The following MARCHF1 variants were observed in gnomAD, a reference collection of about 807,000 sequenced individuals.
The protein encoded by MARCHF1 is E3 ubiquitin-protein ligase MARCHF1.
Under a neutral mutation model 54.2 loss-of-function variants are expected in MARCHF1, and 40 were observed. The ratio of observed to expected loss-of-function variants is 0.74; its 90% CI spans 0.57 to 0.96. The LOEUF (loss-of-function observed/expected upper bound fraction) is 0.96. Among genes scored for constraint, MARCHF1 ranks in the 40% least tolerant of loss-of-function variants. The pLI, the probability that MARCHF1 is intolerant of heterozygous loss-of-function variation, is 0.00. For synonymous variants in MARCHF1, 236 were observed against 236.3 expected (o/e 1.00, Z 0.01); for missense variants, 586 against 656.5 (o/e 0.89, Z 1.17).
At chr4:164,256,377 T>C (rs1342451461) in intron 1 of MARCHF1, among the ~76,000 whole-genome samples, 1 of 149,110 alleles carries the variant, frequency 6.7e-6, no homozygotes, top group Non-Finnish European at 1.5e-5. Flanking sequence ...CTAAATGTAT[T>C]TGGGTGAAAA....
intron 2 of MARCHF1, among the ~76,000 whole-genome samples, chr4:164,052,467 G>A (rs185495536): frequency 6.6e-6 from 1 of 152,088 alleles, no homozygotes; most frequent in Non-Finnish European, 1.5e-5. Flanking sequence ...GGGAGGTGGA[G>A]GTTGCAGTGA....
chr4:163,580,842 T>C lies in MARCHF1; in HGVS notation c.1191+4907A>G, dbSNP rs1280267385. 7.2e-5 allele frequency among the ~76,000 whole-genome samples: 3 copies of C among 41,454 alleles called. 1 individual carries two copies. The highest frequency in any genetic ancestry group is 2.0e-4 in the African/African-American group (2 of 10,250). 27.2% of individuals were successfully genotyped at this position (41,454 alleles called of 152,430 possible). On this transcript the variant is annotated intron_variant, in intron 8 of 9. Transcript: ENST00000514618. ...ACGGAGTCTCGCTCTGTCGCCCAGG[T>C]CGGACTGCGGACTGCAGTGGCGCAA...
chr4:163,953,200 T>C (rs571013701), intron 3 of MARCHF1, among the ~76,000 whole-genome samples: 2 of 152,164 alleles, frequency 1.3e-5, no homozygotes, highest in Admixed American at 6.5e-5. Flanking sequence ...CACCTTCCTA[T>C]AAAAATAAAT....
chr4:164,379,982 A>G (rs2110985710), intron 1 of MARCHF1, among the ~76,000 whole-genome samples: 1 of 152,094 alleles, frequency 6.6e-6, no homozygotes, highest in African/African-American at 2.4e-5. Flanking sequence ...CATGTTGAAA[A>G]AAAAAAAACT....
chr4:164,214,473 A>C (rs950428724), intron 1 of MARCHF1, among the ~76,000 whole-genome samples: 8 of 152,056 alleles, frequency 5.3e-5, no homozygotes, highest in Admixed American at 2.0e-4. Flanking sequence ...CTAAAAAAAA[A>C]CCCTCCACTT....
intron 2 of MARCHF1, among the ~76,000 whole-genome samples, chr4:164,020,511 G>C (rs1753638174): frequency 6.6e-6 from 1 of 152,130 alleles, no homozygotes; most frequent in African/African-American, 2.4e-5. Flanking sequence ...TGCTTACTTT[G>C]AAAAAATTGT....
intron 1 of MARCHF1, among the ~76,000 whole-genome samples, chr4:164,320,068 T>A (rs1453416766): frequency 6.6e-6 from 1 of 152,158 alleles, no homozygotes; most frequent in Admixed American, 6.5e-5. Context: ...TTTTCACACA[T>A]CCATGAGTCT....
At chr4:164,175,891 C>T (rs1730650273) in intron 1 of MARCHF1, among the ~76,000 whole-genome samples, 1 of 152,168 alleles carries the variant, frequency 6.6e-6, no homozygotes, top group African/African-American at 2.4e-5. Context: ...TTCCGTTTCT[C>T]TGGAGAACCC....
intron 1 of MARCHF1, among the ~76,000 whole-genome samples, chr4:164,324,487 C>T (rs573771153): frequency 2.6e-5 from 4 of 151,460 alleles, no homozygotes; most frequent in African/African-American, 7.2e-5. Flanking sequence ...TTTGATGAAC[C>T]TATTATACAA....
At chr4:163,921,907 G>A (rs948510314) in intron 3 of MARCHF1, among the ~76,000 whole-genome samples, 3 of 152,030 alleles carry the variant, frequency 2.0e-5, no homozygotes, top group Admixed American at 2.0e-4. Context: ...CTGCTATAAA[G>A]ACACATGCAC....
intron 3 of MARCHF1, among the ~76,000 whole-genome samples, chr4:163,942,657 G>T (rs559951139): frequency 6.6e-6 from 1 of 152,172 alleles, no homozygotes; most frequent in African/African-American, 2.4e-5. Flanking sequence ...AGAACTGAAG[G>T]GATATGCATC....
intron 1 of MARCHF1, among the ~76,000 whole-genome samples, chr4:164,115,832 A>T (rs1755927758): frequency 6.6e-6 from 1 of 152,090 alleles, no homozygotes; most frequent in Non-Finnish European, 1.5e-5. Context: ...AAAATCTAGA[A>T]AGAAAATAAT....
intron 1 of MARCHF1, among the ~76,000 whole-genome samples, chr4:164,274,659 CTTTTTTTTTTTTT>C (rs70952617): frequency 1.6e-4 from 7 of 44,658 alleles, no homozygotes; most frequent in South Asian, 7.5e-4. Context: ...TCAGGGTACA[CTTTTTTTTTTTTT>C]TTTTTTTTTT....
chr4:163,943,514 G>C (rs1263724430), intron 3 of MARCHF1, among the ~76,000 whole-genome samples: 1 of 151,970 alleles, frequency 6.6e-6, no homozygotes, highest in Non-Finnish European at 1.5e-5. Flanking sequence ...CCTTATTTCT[G>C]GGCTATAGGG....
intron 1 of MARCHF1, among the ~76,000 whole-genome samples, chr4:164,231,855 C>A (rs924215942): frequency 6.6e-6 from 1 of 152,030 alleles, no homozygotes; most frequent in Non-Finnish European, 1.5e-5. Flanking sequence ...AAATCTATAA[C>A]CATTTCTACT....
intron 2 of MARCHF1, among the ~76,000 whole-genome samples, chr4:164,082,312 G>A (rs1755118668): frequency 6.6e-6 from 1 of 152,150 alleles, no homozygotes; most frequent in South Asian, 2.1e-4. Flanking sequence ...AGGGACAGAT[G>A]CTTCATTTCT....
intron 2 of MARCHF1, among the ~76,000 whole-genome samples, chr4:163,999,021 T>C (rs1301912389): frequency 1.1e-4 from 17 of 151,632 alleles, no homozygotes; most frequent in African/African-American, 3.6e-4. Context: ...TTAAGGACCA[T>C]CCATTCTGTT....
At chr4:163,609,223 G>C (rs1741242663) in intron 7 of MARCHF1, among the ~76,000 whole-genome samples, 1 of 152,016 alleles carries the variant, frequency 6.6e-6, no homozygotes, top group African/African-American at 2.4e-5. Flanking sequence ...CTGGACAGCT[G>C]ACCCTGGAAT....
intron 3 of MARCHF1, among the ~76,000 whole-genome samples, chr4:163,861,676 C>T (rs545970011): frequency 2.4e-4 from 37 of 152,088 alleles, no homozygotes; most frequent in African/African-American, 8.2e-4. Context: ...ACATTTCATA[C>T]AATCTGAATA....
Sources: gnomAD v4.1 joint callset for allele counts (sites outside exome capture counted in the v4.1 genomes callset) on GRCh38, gnomAD v4.1.1 for gene constraint, MANE v1.5 for transcripts, NCBI Gene and HGNC (gene_info 2026-07-23, HGNC 2026-07-21) for gene names.